The following FOCAD variants were observed in gnomAD, a reference collection of about 807,000 sequenced individuals.
FOCAD encodes the protein focadhesin.
In FOCAD, 198 loss-of-function variants were observed where a neutral mutation model predicts 225.6. The ratio of observed to expected loss-of-function variants is 0.88; its 90% CI spans 0.78 to 0.99. FOCAD has a LOEUF of 0.99. Ranked by LOEUF, FOCAD falls within the 50% of genes least tolerant of loss-of-function variation. The pLI is 0.00. For missense variants in FOCAD, 2,713 were observed against 2,123.6 expected, an observed-to-expected ratio of 1.28 and a Z score of -5.46; for synonymous variants, 897 against 755.0, an observed-to-expected ratio of 1.19 and a Z score of -3.08.
At chr9:20,702,002 C>T (rs1040460872) in intron 1 of FOCAD, among the ~76,000 whole-genome samples, 2 of 152,066 alleles carry the variant, frequency 1.3e-5, no homozygotes, top group African/African-American at 4.8e-5. Flanking sequence ...AGAATAATAA[C>T]ATTTAAAAAC....
chr9:20,736,150 A>T (rs980840865), intron 4 of FOCAD, among the ~76,000 whole-genome samples: 1 of 152,152 alleles, frequency 6.6e-6, no homozygotes, highest in Non-Finnish European at 1.5e-5. Flanking sequence ...GCTGATGCCA[A>T]ATTAGAAATG....
intron 5 of FOCAD, among the ~76,000 whole-genome samples, chr9:20,747,688 T>G (rs1828168653): frequency 6.6e-6 from 1 of 152,162 alleles, no homozygotes; most frequent in Non-Finnish European, 1.5e-5. Flanking sequence ...CTTCTTTCAC[T>G]TAGCATAATG....
intron 2 of FOCAD, among the ~76,000 whole-genome samples, chr9:20,671,023 A>G (rs1822049446): frequency 6.6e-6 from 1 of 152,200 alleles, no homozygotes; most frequent in African/African-American, 2.4e-5. Flanking sequence ...TGTCTACAGA[A>G]CATTCTCTCC....
At chr9:20,967,375 C>A (rs1200562374) in intron 35 of FOCAD, among the ~76,000 whole-genome samples, 2 of 152,088 alleles carry the variant, frequency 1.3e-5, no homozygotes, top group Non-Finnish European at 2.9e-5. Context: ...TTATATCCTG[C>A]AACTTTATTG....
chr9:20,773,116 T>G (rs1268462493), intron 8 of FOCAD, among the ~76,000 whole-genome samples: 4 of 152,180 alleles, frequency 2.6e-5, no homozygotes, highest in Non-Finnish European at 4.4e-5. Flanking sequence ...CTGGGTACTT[T>G]TAGTAGATTC....
At chr9:20,970,538 T>TA (rs1264831565) in intron 35 of FOCAD, among the ~76,000 whole-genome samples, 6 of 152,058 alleles carry the variant, frequency 3.9e-5, no homozygotes, top group Non-Finnish European at 7.4e-5. Flanking sequence ...TTGGTTCTTT[T>TA]AAAAAAGAAC....
chr9:20,986,955 C>A (rs144300625), intron 40 of FOCAD, among the ~76,000 whole-genome samples: 2 of 152,168 alleles, frequency 1.3e-5, no homozygotes, highest in African/African-American at 4.8e-5. Flanking sequence ...GCTAATGAAT[C>A]ACATGATGCA....
intron 19 of FOCAD, among the ~76,000 whole-genome samples, chr9:20,881,339 G>A (rs1303064395): frequency 1.3e-5 from 2 of 152,152 alleles, no homozygotes; most frequent in Admixed American, 6.6e-5. Context: ...TTAACTCTGA[G>A]GGGGAGTCAG....
chr9:20,720,706 A>G (rs1482139765), intron 4 of FOCAD, among the ~76,000 whole-genome samples, 172 bp downstream of exon 4: 2 of 152,188 alleles, frequency 1.3e-5, no homozygotes, highest in African/African-American at 2.4e-5. Flanking sequence ...TTTAAACCCT[A>G]TAGTTTCAGA....
intron 21 of FOCAD, among the ~76,000 whole-genome samples, chr9:20,887,331 T>G (rs1475678272): frequency 6.6e-6 from 1 of 151,944 alleles, no homozygotes; most frequent in African/African-American, 2.4e-5. Context: ...GCCTCCTGGG[T>G]TCAAGGGATT....
intron 4 of FOCAD, among the ~76,000 whole-genome samples, chr9:20,734,922 C>A (rs964023415): frequency 6.6e-6 from 1 of 152,018 alleles, no homozygotes. Context: ...ATAGGAATAT[C>A]TTCTTTTGAG....
intron 4 of FOCAD, among the ~76,000 whole-genome samples, chr9:20,728,300 T>C (rs1332565112): frequency 6.6e-6 from 1 of 152,218 alleles, no homozygotes; most frequent in Non-Finnish European, 1.5e-5. Context: ...AGAGATATCT[T>C]GGATAGACCC....
intron 42 of FOCAD, among the ~76,000 whole-genome samples, chr9:20,991,387 T>C (rs1841657881): frequency 6.6e-6 from 1 of 152,202 alleles, no homozygotes; most frequent in South Asian, 2.1e-4. Context: ...TAAAAACATT[T>C]CTGAACTGTA....
chr9:20,923,291 A>G (rs1834624990), intron 24 of FOCAD, among the ~76,000 whole-genome samples: 1 of 152,348 alleles, frequency 6.6e-6, no homozygotes, highest in Admixed American at 6.5e-5. Context: ...TAACTGTCTT[A>G]GTTATGTCTT....
intron 35 of FOCAD, among the ~76,000 whole-genome samples, chr9:20,971,594 C>T (rs1472000233): frequency 6.6e-6 from 1 of 152,080 alleles, no homozygotes; most frequent in Admixed American, 6.6e-5. Context: ...CATGCACCAC[C>T]ATGCCCAGCT....
chr9:20,989,117 T>C (rs971684504), intron 41 of FOCAD, among the ~76,000 whole-genome samples: 2 of 152,112 alleles, frequency 1.3e-5, no homozygotes, highest in African/African-American at 4.8e-5. Flanking sequence ...AATAGCAGAA[T>C]TTTTTTTCTG....
At chr9:20,825,908 A>G (rs1445795871) in intron 15 of FOCAD, among the ~76,000 whole-genome samples, 1 of 152,082 alleles carries the variant, frequency 6.6e-6, no homozygotes, top group Non-Finnish European at 1.5e-5. Context: ...TGAACAAACA[A>G]CAGAGAGGGA....
rs182515016 is a variant in FOCAD, at chr9:20,796,459, C to T, written c.1455+6851C>T. On this transcript the variant is annotated intron_variant, in intron 11 of 43. Coordinates refer to ENST00000338382, the MANE Select transcript of FOCAD (RefSeq NM_001375567.1). ...GTGTAAAAGTGTTCCTGTTTCTCCA[C>T]ATCCTCTCCAGCACCTGTTGTTTCC... Among the ~76,000 whole-genome samples, 696 of 152,318 alleles carry T rather than the reference C, an allele frequency of 4.6e-3. 4 individuals are homozygous for T. Among genetic ancestry groups the T allele is most frequent in the Non-Finnish European group, 6.9e-3 (468 of 68,032 alleles).
In FOCAD at chr9:20,982,374, G is replaced by A. The variant is rs1329980439; in HGVS notation, c.4656G>A (p.Leu1552=). ...PNKIRRKDLE[L]YISIAKCLLE... is the part of the protein sequence containing the mutation. ...TTTATCAGAGAAAGGATCTAGAGCT[G>A]TATATCAGCATAGCAAAATGCCTCT... Residue 1552 remains leucine, a synonymous_variant, in exon 39 of 44, where the codon CTG becomes CTA. Coordinates refer to ENST00000338382, the MANE Select transcript of FOCAD (RefSeq NM_001375567.1). The A allele has an allele frequency of 1.2e-6, 2 of 1,613,354 alleles. No individual in the cohort carries two copies. Among genetic ancestry groups the A allele is most frequent in the South Asian group, 1.1e-5 (1 of 91,068 alleles).
Sources: gnomAD v4.1 joint callset for allele counts (sites outside exome capture counted in the v4.1 genomes callset) on GRCh38, gnomAD v4.1.1 for gene constraint, MANE v1.5 for transcripts, NCBI Gene and HGNC (gene_info 2026-07-23, HGNC 2026-07-21) for gene names.